Variants in ADAMTS20 observed in about 807,000 individuals in gnomAD.
ADAMTS20 encodes the protein ADAM metallopeptidase with thrombospondin type 1 motif 20.
Under a neutral mutation model 260.1 loss-of-function variants are expected in ADAMTS20, and 225 were observed. That is an observed-to-expected ratio of 0.87 (90% CI 0.78 to 0.97). The LOEUF (loss-of-function observed/expected upper bound fraction) is 0.97, where lower values mean the gene tolerates loss of function less well. Ranked by LOEUF, ADAMTS20 falls within the 50% of genes least tolerant of loss-of-function variation. The pLI is 0.00. For synonymous variants in ADAMTS20, 802 were observed against 769.5 expected (o/e 1.04, Z -0.70); for missense variants, 2,400 against 2,337.7 (o/e 1.03, Z -0.55).
intron 22 of ADAMTS20, 69 bp from the exon 23 acceptor site, chr12:43,430,540 A>G (rs1941423059): frequency 1.4e-6 from 2 of 1,391,640 alleles, no homozygotes; most frequent in Non-Finnish European, 2.0e-6. Context: ...TATTTTCTTA[A>G]TGAATACCCT....
intron 28 of ADAMTS20, among the ~76,000 whole-genome samples, chr12:43,420,422 T>C (rs1203104327): frequency 6.6e-6 from 1 of 152,234 alleles, no homozygotes; most frequent in Non-Finnish European, 1.5e-5. Context: ...ATGAGAAGTG[T>C]ATTATAAAAT....
chr12:43,440,681 A>G (rs1047485369), intron 16 of ADAMTS20, among the ~76,000 whole-genome samples: 1 of 152,182 alleles, frequency 6.6e-6, no homozygotes, highest in Admixed American at 6.5e-5. Context: ...GGAAAGCAGA[A>G]AGAAGTCATG....
At chr12:43,389,818 A>G (rs1227118306) in intron 29 of ADAMTS20, among the ~76,000 whole-genome samples, 1 of 152,162 alleles carries the variant, frequency 6.6e-6, no homozygotes. Flanking sequence ...TTTACTGTCC[A>G]TATTTCCATG....
intron 28 of ADAMTS20, chr12:43,423,956 TCATC>T (rs1310825868): frequency 2.9e-6 from 2 of 698,934 alleles, no homozygotes; most frequent in Non-Finnish European, 5.2e-6. Flanking sequence ...TTGTTTAATA[TCATC>T]AGTCACACTT....
chr12:43,466,051 C>T (rs1479007934), intron 9 of ADAMTS20, among the ~76,000 whole-genome samples: 1 of 151,844 alleles, frequency 6.6e-6, no homozygotes, highest in African/African-American at 2.4e-5. Context: ...AAAGAAACAC[C>T]ATTTGGATAA....
intron 37 of ADAMTS20, among the ~76,000 whole-genome samples, chr12:43,358,047 G>C (rs1939781711): frequency 6.6e-6 from 1 of 152,254 alleles, no homozygotes; most frequent in Non-Finnish European, 1.5e-5. Context: ...ACCAAATAAA[G>C]TTATTAAAAA....
At chr12:43,472,421 T>C in intron 7 of ADAMTS20, among the ~76,000 whole-genome samples, 1 of 136,282 alleles carries the variant, frequency 7.3e-6, no homozygotes, top group South Asian at 2.6e-4. Flanking sequence ...TGCAGGATAT[T>C]ATCCAGGAGA....
chr12:43,528,728 C>A (rs1245602286), intron 3 of ADAMTS20, among the ~76,000 whole-genome samples: 1 of 152,022 alleles, frequency 6.6e-6, no homozygotes, highest in African/African-American at 2.4e-5. Context: ...AGGGAAAACT[C>A]TTCTGGACAT....
chr12:43,446,784 A>T (rs779060800), intron 14 of ADAMTS20, 72 bp from the exon 15 acceptor site: 7 of 1,188,174 alleles, frequency 5.9e-6, no homozygotes, highest in Non-Finnish European at 8.6e-6. Flanking sequence ...ATCCAAATAC[A>T]TACAATCAGA....
chr12:43,552,029 C>T lies in ADAMTS20; in HGVS notation c.-108G>A. 1 of 931,600 alleles carries T rather than the reference C, an allele frequency of 1.1e-6. No individual in the cohort carries two copies. The highest frequency in any genetic ancestry group is 1.6e-5 in the African/African-American group (1 of 61,658). 57.7% of individuals were successfully genotyped at this position (931,600 alleles called of 1,614,324 possible). On this transcript the variant is annotated 5_prime_UTR_variant, in exon 1 of 39. Transcript: ENST00000389420. ...CTCCTCCCTCTCGCCCGCCGCTCTC[C>T]GCGCCTCAGCAGCCTAGGGAACAGC...
At position 43,383,862 on chromosome 12, in the gene ADAMTS20, C is replaced by T; in HGVS notation, c.4568G>A (p.Arg1523Lys). 2 of 1,613,970 alleles carry T rather than the reference C, an allele frequency of 1.2e-6. No homozygotes were observed. Among genetic ancestry groups the T allele is most frequent in the South Asian group, 1.1e-5 (1 of 91,086 alleles). The change falls in exon 30 of 39, where the codon AGG becomes AAG. Residue 1523 changes from arginine (R) to lysine (K), a missense_variant. Transcript: ENST00000389420. ...CACACAGTCCTGACTCCAACATCGC[C>T]TCTGAGAACAAGGTCGGGTGGACTG... ...CDQSTRPCSQRRCWSQDCVQH... is the reference protein window; with the variant it reads ...CDQSTRPCSQKRCWSQDCVQH...
intron 4 of ADAMTS20, among the ~76,000 whole-genome samples, chr12:43,501,477 G>GCACACACACACA (rs1299065787): frequency 7.9e-4 from 49 of 62,260 alleles, no homozygotes; most frequent in African/African-American, 1.7e-3. Context: ...GCGCGCGCGC[G>GCACACACACACA]CGCGCACACA....
downstream of ADAMTS20, among the ~76,000 whole-genome samples, chr12:43,353,229 T>A (rs1273932782): frequency 1.3e-5 from 2 of 152,090 alleles, no homozygotes; most frequent in African/African-American, 4.8e-5. Context: ...TACTCCCTTA[T>A]GTTCTGGCTT....
chr12:43,455,481 C>G (rs1415759684), intron 11 of ADAMTS20, among the ~76,000 whole-genome samples: 1 of 152,094 alleles, frequency 6.6e-6, no homozygotes, highest in Non-Finnish European at 1.5e-5. Flanking sequence ...TGCAGAAGGA[C>G]CGAGACAGCT....
At chr12:43,530,684 C>T (rs965037704) in intron 3 of ADAMTS20, among the ~76,000 whole-genome samples, 1 of 152,098 alleles carries the variant, frequency 6.6e-6, no homozygotes, top group African/African-American at 2.4e-5. Flanking sequence ...ACTGCAGGTG[C>T]CTTTTCTCCA....
In ADAMTS20 at chr12:43,383,975, G is replaced by A. The variant is rs1940415226; in HGVS notation, c.4455C>T (p.Cys1485=). 1 of 1,613,212 alleles carries A rather than the reference G, an allele frequency of 6.2e-7. No individual in the cohort carries two copies. The highest frequency in any genetic ancestry group is 8.5e-7 in the Non-Finnish European group (1 of 1,179,560). Reference sequence around the variant, plus strand: ...GAACTCCAGAGCCACAGGTCACAGAGCACTACAAAGGAGTCCAGTTGATTT... The same window carrying A: ...GAACTCCAGAGCCACAGGTCACAGAACACTACAAAGGAGTCCAGTTGATTT... ...PSWKANSWNE[C]SVTCGSGVQQ... is the part of the protein sequence containing the mutation. The change falls in exon 30 of 39, where the codon TGC becomes TGT. Residue 1485 remains cysteine, a splice_region_variant and synonymous_variant. Coordinates refer to ENST00000389420, the MANE Select transcript of ADAMTS20 (RefSeq NM_025003.5).
chr12:43,463,280 T>C (rs897769931), intron 10 of ADAMTS20, among the ~76,000 whole-genome samples: 3 of 152,232 alleles, frequency 2.0e-5, no homozygotes, highest in Non-Finnish European at 4.4e-5. Flanking sequence ...TTGAGATAGT[T>C]TTCTCTCTTT....
At chr12:43,377,834 C>T (rs1940264444) in intron 31 of ADAMTS20, among the ~76,000 whole-genome samples, 1 of 151,770 alleles carries the variant, frequency 6.6e-6, no homozygotes, top group South Asian at 2.1e-4. Context: ...ATTACATTAC[C>T]ATCTTAATTG....
intron 28 of ADAMTS20, chr12:43,423,447 A>G (rs1222895161): frequency 2.5e-6 from 1 of 392,674 alleles, no homozygotes; most frequent in Non-Finnish European, 4.6e-6. Context: ...TGCTTGGTGA[A>G]TTGAAGTCAT....
Sources: gnomAD v4.1 joint callset for allele counts (sites outside exome capture counted in the v4.1 genomes callset) on GRCh38, gnomAD v4.1.1 for gene constraint, MANE v1.5 for transcripts, NCBI Gene and HGNC (gene_info 2026-07-23, HGNC 2026-07-21) for gene names.